Variants in KLHL8 observed in about 807,000 individuals in gnomAD.
The protein encoded by KLHL8 is kelch like family member 8.
Under a neutral mutation model 63.5 loss-of-function variants are expected in KLHL8, and 38 were observed. The ratio of observed to expected loss-of-function variants is 0.60; its 90% CI spans 0.46 to 0.78. KLHL8 has a LOEUF of 0.78. KLHL8 is among the 30% of genes least tolerant of loss of function. The probability of loss-of-function intolerance (pLI) is 0.00; values close to 1 mark genes in which losing one functional copy is unlikely to be tolerated. For synonymous variants in KLHL8, 224 were observed against 254.3 expected (o/e 0.88, Z 1.13); for missense variants, 566 against 752.4 (o/e 0.75, Z 2.90).
chr4:87,238,689 AAAGTT>A (rs1332689010), intron 1 of KLHL8, among the ~76,000 whole-genome samples: 10 of 152,252 alleles, frequency 6.6e-5, no homozygotes, highest in African/African-American at 2.2e-4. Context: ...GGAGAAAAGT[AAAGTT>A]ATCATTGGAA....
At chr4:87,214,415 G>GATATAT (rs58112792) in intron 1 of KLHL8, among the ~76,000 whole-genome samples, 1,776 of 92,488 alleles carry the variant, frequency 0.019, 116 homozygotes, top group Non-Finnish European at 0.025. Context: ...GCACATAACA[G>GATATAT]ATATATATAT....
chr4:87,221,870 T>C (rs1485486190), upstream of KLHL8, among the ~76,000 whole-genome samples: 1 of 151,982 alleles, frequency 6.6e-6, no homozygotes, highest in Non-Finnish European at 1.5e-5. Flanking sequence ...TTTAGAAAAA[T>C]AGAGTAAGAT....
At chr4:87,199,658 A>AC (rs1731832328) in intron 1 of KLHL8, among the ~76,000 whole-genome samples, 1 of 64,624 alleles carries the variant, frequency 1.5e-5, no homozygotes, top group African/African-American at 3.0e-5. Context: ...CTCAATTAAA[A>AC]AAAAAACAAA....
intron 8 of KLHL8, 82 bp from the exon 9 acceptor site, chr4:87,164,161 C>CCA: frequency 8.0e-7 from 1 of 1,246,564 alleles, no homozygotes; most frequent in African/African-American, 1.5e-5. Flanking sequence ...CTTTTACAAC[C>CCA]CAATCTTTTA....
chr4:87,203,559 A>C (rs534978444), intron 1 of KLHL8, among the ~76,000 whole-genome samples: 168 of 150,962 alleles, frequency 1.1e-3, no homozygotes, highest in Non-Finnish European at 1.5e-3. Flanking sequence ...AACAAGGTGA[A>C]CACACAAAAA....
chr4:87,216,370 C>T (rs72667800), intron 1 of KLHL8, among the ~76,000 whole-genome samples: 52,705 of 152,050 alleles, frequency 0.35, 9,950 homozygotes, highest in Middle Eastern at 0.55. Flanking sequence ...TTCCTTTCCA[C>T]AAAAAACTAA....
intron 1 of KLHL8, among the ~76,000 whole-genome samples, chr4:87,228,303 C>G (rs1209494240): frequency 6.6e-6 from 1 of 152,082 alleles, no homozygotes; most frequent in Non-Finnish European, 1.5e-5. Flanking sequence ...CCATGGGAAC[C>G]CCTGAATTTG....
At chr4:87,177,721 C>T (rs1213928661) in intron 5 of KLHL8, among the ~76,000 whole-genome samples, 3 of 152,088 alleles carry the variant, frequency 2.0e-5, no homozygotes, top group Non-Finnish European at 4.4e-5. Context: ...ATCCTTCCAC[C>T]TCAGCCTCCC....
upstream of KLHL8, among the ~76,000 whole-genome samples, chr4:87,223,739 T>C (rs1312258373): frequency 6.6e-6 from 1 of 152,184 alleles, no homozygotes; most frequent in Non-Finnish European, 1.5e-5. Flanking sequence ...CCCTAAAAAG[T>C]GATATATCTG....
rs1730221378 is a variant in KLHL8, at chr4:87,162,782, C to A, written c.*737G>T. ...ACCTTGTTCAATATTTCCTCTGGTTCACCTTTTGATTATGTAACAAATACT... is the reference window on the plus strand; with the variant it reads ...ACCTTGTTCAATATTTCCTCTGGTTAACCTTTTGATTATGTAACAAATACT... On this transcript the variant is annotated 3_prime_UTR_variant, in exon 10 of 10. Coordinates refer to ENST00000273963, the MANE Select transcript of KLHL8 (RefSeq NM_020803.5). The A allele has an allele frequency of 6.6e-6, 1 of 152,148 alleles. No homozygotes were observed. The highest frequency in any genetic ancestry group is 1.5e-5 in the Non-Finnish European group (1 of 68,026). 9.4% of individuals were successfully genotyped at this position (152,148 alleles called of 1,614,324 possible).
chr4:87,172,856 G>A (rs920385992), intron 6 of KLHL8, among the ~76,000 whole-genome samples: 1 of 152,082 alleles, frequency 6.6e-6, no homozygotes, highest in Non-Finnish European at 1.5e-5. Flanking sequence ...GAATGCAGAA[G>A]TTCTCTGAAA....
chr4:87,178,018 T>C (rs1206082137), intron 5 of KLHL8, among the ~76,000 whole-genome samples: 2 of 152,220 alleles, frequency 1.3e-5, no homozygotes, highest in African/African-American at 4.8e-5. Context: ...AAAATGTTTT[T>C]ATATTGTTAA....
intron 1 of KLHL8, among the ~76,000 whole-genome samples, chr4:87,231,770 T>C (rs1733141574): frequency 6.6e-6 from 1 of 152,046 alleles, no homozygotes. Flanking sequence ...CCAATTTTTT[T>C]AGTTTTTGGT....
At chr4:87,233,771 C>T (rs541870109) in intron 1 of KLHL8, among the ~76,000 whole-genome samples, 6 of 152,206 alleles carry the variant, frequency 3.9e-5, no homozygotes, top group South Asian at 2.1e-4. Flanking sequence ...ATTTTTATCA[C>T]GTTACCACTT....
chr4:87,222,243 T>C (rs1465873337), upstream of KLHL8, among the ~76,000 whole-genome samples: 1 of 152,236 alleles, frequency 6.6e-6, no homozygotes. Flanking sequence ...AACTATTGTC[T>C]GCTGTATGGG....
intron 1 of KLHL8, chr4:87,219,379 G>A (rs1287866990): frequency 6.6e-6 from 1 of 152,222 alleles, no homozygotes; most frequent in Non-Finnish European, 1.5e-5. Context: ...ATCTTGTATA[G>A]GAGAAAAACA....
chr4:87,167,581 A>C (rs994021501), intron 8 of KLHL8: 1 of 519,820 alleles, frequency 1.9e-6, no homozygotes, highest in Non-Finnish European at 3.9e-6. Context: ...GCTAAGAAGA[A>C]GGGCAGTGCC....
intron 1 of KLHL8, among the ~76,000 whole-genome samples, chr4:87,231,598 A>G (rs1733139118): frequency 6.6e-6 from 1 of 151,308 alleles, no homozygotes; most frequent in Non-Finnish European, 1.5e-5. Context: ...TCCCACAAAT[A>G]CTTCTTTTTT....
chr4:87,205,850 A>C (rs1732106459), intron 1 of KLHL8, among the ~76,000 whole-genome samples: 1 of 152,232 alleles, frequency 6.6e-6, no homozygotes, highest in Non-Finnish European at 1.5e-5. Flanking sequence ...GTGAAGCCCA[A>C]GTAAGTGGTG....
Sources: gnomAD v4.1 joint callset for allele counts (sites outside exome capture counted in the v4.1 genomes callset) on GRCh38, gnomAD v4.1.1 for gene constraint, MANE v1.5 for transcripts, NCBI Gene and HGNC (gene_info 2026-07-23, HGNC 2026-07-21) for gene names.